CPNE4: variants seen among roughly 807,000 people sequenced by gnomAD.
CPNE4 encodes the protein copine-4.
A neutral mutation model predicts 67.9 loss-of-function variants in CPNE4; 25 were observed. That is an observed-to-expected ratio of 0.37 (90% CI 0.27 to 0.51). The LOEUF is 0.51. Ranked by LOEUF, CPNE4 falls within the 20% of genes least tolerant of loss-of-function variation. The pLI, the probability that CPNE4 is intolerant of heterozygous loss-of-function variation, is 0.93. For synonymous variants in CPNE4, 242 were observed against 244.9 expected, an observed-to-expected ratio of 0.99 and a Z score of 0.11; for missense variants, 464 against 690.8, an observed-to-expected ratio of 0.67 and a Z score of 3.68.
At chr3:131,849,693 C>CG (rs991166975) in intron 2 of CPNE4, among the ~76,000 whole-genome samples, 21 of 152,064 alleles carry the variant, frequency 1.4e-4, no homozygotes, top group Non-Finnish European at 2.9e-4. Flanking sequence ...TCTTGCTCTC[C>CG]GGGACTTTTG....
intron 1 of CPNE4, among the ~76,000 whole-genome samples, chr3:132,023,956 T>C (rs947978210): frequency 2.6e-5 from 4 of 152,208 alleles, no homozygotes; most frequent in African/African-American, 9.7e-5. Context: ...GAAAAGATGT[T>C]ACTATTTGCA....
intron 2 of CPNE4, among the ~76,000 whole-genome samples, chr3:131,838,637 G>C (rs1269150108): frequency 1.3e-5 from 2 of 151,236 alleles, no homozygotes; most frequent in African/African-American, 4.8e-5. Flanking sequence ...AAATCTGACA[G>C]AGAGAAAAAC....
chr3:132,003,126 C>T lies in CPNE4; in HGVS notation c.-2+31441G>A, dbSNP rs376556693. 5.7e-4 allele frequency among the ~76,000 whole-genome samples: 87 copies of T among 152,248 alleles called. 1 individual carries two copies. Among genetic ancestry groups the T allele is most frequent in the Non-Finnish European group, 7.1e-4 (48 of 68,008 alleles). On this transcript the variant is annotated intron_variant, in intron 1 of 15. Coordinates refer to ENST00000429747, the MANE Select transcript of CPNE4 (RefSeq NM_130808.3). Reference sequence around the variant, plus strand: ...AACACATTGTCACAGACACAATCTGCTTGTTTGCTCATCATTGGCAGATAT... The same window carrying T: ...AACACATTGTCACAGACACAATCTGTTTGTTTGCTCATCATTGGCAGATAT...
At chr3:131,975,191 G>A (rs1190433120) in intron 1 of CPNE4, among the ~76,000 whole-genome samples, 1 of 152,100 alleles carries the variant, frequency 6.6e-6, no homozygotes, top group Non-Finnish European at 1.5e-5. Flanking sequence ...TTTTAACTAG[G>A]TTCTGGGGCT....
chr3:131,622,513 G>T (rs1296441064), intron 7 of CPNE4, among the ~76,000 whole-genome samples: 1 of 152,198 alleles, frequency 6.6e-6, no homozygotes, highest in Non-Finnish European at 1.5e-5. Flanking sequence ...GATGTAGGTT[G>T]ACAGTCAGTA....
intron 1 of CPNE4, among the ~76,000 whole-genome samples, chr3:131,990,527 A>G (rs2073153438): frequency 7.3e-6 from 1 of 136,292 alleles, no homozygotes; most frequent in African/African-American, 2.5e-5. Context: ...CATTTCAAGT[A>G]CATATTCAAT....
At chr3:131,942,455 TGTGTGTGTGAGA>T (rs1174831753) in intron 1 of CPNE4, among the ~76,000 whole-genome samples, 50 of 62,260 alleles carry the variant, frequency 8.0e-4, no homozygotes, top group Non-Finnish European at 1.2e-3. Context: ...TGTGTGTGTG[TGTGTGTGTGAGA>T]GAGAGAGAGA....
Position 131,654,698 on chromosome 3 carries a change from A to G in CPNE4, c.681+14977T>C, listed in dbSNP as rs561830257. 1.2e-4 allele frequency among the ~76,000 whole-genome samples: 19 copies of G among 152,316 alleles called. No homozygotes were observed. In the South Asian group the frequency reaches 3.9e-3, roughly 32 times the overall value. On this transcript the variant is annotated intron_variant, in intron 7 of 15. Coordinates refer to ENST00000429747, the MANE Select transcript of CPNE4 (RefSeq NM_130808.3). ...TGGCCCCAACTCAGGAAGGCATGCGATGAATTTTCACCCTTAAATCCCAAC... is the reference window on the plus strand; with the variant it reads ...TGGCCCCAACTCAGGAAGGCATGCGGTGAATTTTCACCCTTAAATCCCAAC...
intron 2 of CPNE4, among the ~76,000 whole-genome samples, chr3:131,768,676 A>G (rs150044429): frequency 6.2e-4 from 95 of 152,178 alleles, no homozygotes; most frequent in African/African-American, 2.3e-3. Flanking sequence ...AAAAAATTGA[A>G]TTTATTTCCT....
At chr3:131,899,265 G>C (rs935209127) in intron 2 of CPNE4, among the ~76,000 whole-genome samples, 1 of 152,012 alleles carries the variant, frequency 6.6e-6, no homozygotes, top group African/African-American at 2.4e-5. Context: ...GCACAAGCAC[G>C]AACCTCGTAT....
At chr3:132,005,362 C>T (rs879573919) in intron 1 of CPNE4, among the ~76,000 whole-genome samples, 51,483 of 83,132 alleles carry the variant, frequency 0.62, 15,315 homozygotes, top group South Asian at 0.71. Context: ...CACACACACA[C>T]ACACACACAC....
At chr3:132,002,304 A>G (rs973329388) in intron 1 of CPNE4, among the ~76,000 whole-genome samples, 1 of 152,170 alleles carries the variant, frequency 6.6e-6, no homozygotes, top group Non-Finnish European at 1.5e-5. Flanking sequence ...TCAGAAGAAG[A>G]AAAGGCCAGT....
chr3:131,706,300 A>G (rs1404716927), intron 3 of CPNE4, among the ~76,000 whole-genome samples: 2 of 152,254 alleles, frequency 1.3e-5, no homozygotes, highest in Non-Finnish European at 2.9e-5. Context: ...CTCAAAAATA[A>G]CTAAGGTCAC....
chr3:131,771,577 G>A (rs2083167276), intron 2 of CPNE4, among the ~76,000 whole-genome samples: 1 of 152,162 alleles, frequency 6.6e-6, no homozygotes, highest in East Asian at 1.9e-4. Context: ...AGTCCCCTTT[G>A]TCTTCCACCA....
chr3:131,581,808 G>A (rs1289259206), intron 8 of CPNE4, 143 bp from the exon 9 acceptor site: 2 of 637,448 alleles, frequency 3.1e-6, no homozygotes, highest in Non-Finnish European at 5.7e-6. Context: ...GCATCTAGAG[G>A]AGCAATAGGG....
intron 1 of CPNE4, among the ~76,000 whole-genome samples, chr3:131,983,155 A>G (rs2107639351): frequency 6.6e-6 from 1 of 152,298 alleles, no homozygotes; most frequent in South Asian, 2.1e-4. Flanking sequence ...TAAATATCTA[A>G]GTTCTCAGGT....
At chr3:131,800,944 T>C (rs2084076942) in intron 2 of CPNE4, among the ~76,000 whole-genome samples, 1 of 152,082 alleles carries the variant, frequency 6.6e-6, no homozygotes, top group South Asian at 2.1e-4. Flanking sequence ...CATCAGATCA[T>C]CATAGCAAAA....
At chr3:131,631,206 T>C (rs1208364208) in intron 7 of CPNE4, among the ~76,000 whole-genome samples, 2 of 152,232 alleles carry the variant, frequency 1.3e-5, no homozygotes, top group Non-Finnish European at 2.9e-5. Context: ...TTAGAGTTAA[T>C]ATAATCATTT....
chr3:132,003,603 C>A (rs1054891748), intron 1 of CPNE4, among the ~76,000 whole-genome samples: 1 of 151,788 alleles, frequency 6.6e-6, no homozygotes, highest in African/African-American at 2.4e-5. Context: ...CTTCTGCTCA[C>A]CCTGGCTCTA....
Sources: allele counts gnomAD v4.1 joint callset (sites outside exome capture counted in the v4.1 genomes callset), GRCh38; gene constraint gnomAD v4.1.1; transcripts MANE v1.5; gene names NCBI Gene and HGNC (gene_info 2026-07-23, HGNC 2026-07-21).